The following ARHGDIB variants were observed in gnomAD, a reference collection of about 807,000 sequenced individuals.
ARHGDIB encodes Rho GDP dissociation inhibitor beta, also known as rho GDP-dissociation inhibitor 2.
In ARHGDIB, 20 loss-of-function variants were observed where a neutral mutation model predicts 22.6. That is an observed-to-expected ratio of 0.88 (90% CI 0.62 to 1.28). The LOEUF is 1.28. Among genes scored for constraint, ARHGDIB ranks in the 50% most tolerant of loss-of-function variants. The probability of loss-of-function intolerance (pLI) is 0.00; values close to 1 mark genes in which losing one functional copy is unlikely to be tolerated. For missense variants in ARHGDIB, 254 were observed against 245.4 expected (o/e 1.04, Z -0.23); for synonymous variants, 114 against 96.1 (o/e 1.19, Z -1.09).
intron 2 of ARHGDIB, 94 bp downstream of exon 2, chr12:14,950,438 G>T: frequency 1.8e-6 from 2 of 1,094,848 alleles, no homozygotes; most frequent in Non-Finnish European, 2.6e-6. Context: ...GGAAGCAGTT[G>T]GTCCTCTTCC....
At chr12:14,947,801 A>G (rs1015005024) in intron 4 of ARHGDIB, 72 bp downstream of exon 4, 3 of 1,282,720 alleles carry the variant, frequency 2.3e-6, no homozygotes, top group Non-Finnish European at 2.3e-6. Flanking sequence ...CAACATGATC[A>G]TGCAAGAAAT....
intron 5 of ARHGDIB, among the ~76,000 whole-genome samples, chr12:14,943,499 C>T (rs767360378): frequency 5.9e-5 from 9 of 151,698 alleles, no homozygotes; most frequent in Non-Finnish European, 8.8e-5. Flanking sequence ...TGGCCTAAGT[C>T]ATATAACATT....
intron 5 of ARHGDIB, among the ~76,000 whole-genome samples, chr12:14,943,404 G>GC (rs1863927218): frequency 7.1e-6 from 1 of 140,934 alleles, no homozygotes; most frequent in Non-Finnish European, 1.5e-5. Context: ...TGTTGTTGTT[G>GC]TTTTTTTTAT....
In ARHGDIB at chr12:14,942,234, T is replaced by C. The variant is rs561406035; in HGVS notation, c.*288A>G. On this transcript the variant is annotated 3_prime_UTR_variant, in exon 6 of 6. Transcript: ENST00000228945. Reference sequence around the variant, plus strand: ...GCCCATTTTCTGGCCTCTAGTTGCTTGAATAGGGGTAAGACAGGGAAATAT... The same window carrying C: ...GCCCATTTTCTGGCCTCTAGTTGCTCGAATAGGGGTAAGACAGGGAAATAT... 1.1e-5 allele frequency: 4 copies of C among 365,726 alleles called. No homozygotes were observed. Among genetic ancestry groups the C allele is most frequent in the Admixed American group, 4.0e-5 (1 of 25,080 alleles). The allele number at this position is 365,726 out of a possible 1,614,324, so 22.7% of individuals were successfully genotyped here.
At chr12:14,947,170 T>C (rs1466396720) in intron 4 of ARHGDIB, among the ~76,000 whole-genome samples, 1 of 152,252 alleles carries the variant, frequency 6.6e-6, no homozygotes, top group Non-Finnish European at 1.5e-5. Flanking sequence ...AACCACGAAG[T>C]GCAAACACTG....
Position 14,943,088 on chromosome 12 carries a change from G to A in ARHGDIB, c.407-367C>T, listed in dbSNP as rs527375876. On this transcript the variant is annotated intron_variant, in intron 5 of 5. Coordinates refer to ENST00000228945, the MANE Select transcript of ARHGDIB (RefSeq NM_001175.7). Reference sequence around the variant, plus strand: ...TCTCCATGTTGGTCAGGCTGGTCTCGAACTACCAACCTCAGGTGATCCACC... The same window carrying A: ...TCTCCATGTTGGTCAGGCTGGTCTCAAACTACCAACCTCAGGTGATCCACC... 4.6e-5 allele frequency among the ~76,000 whole-genome samples: 7 copies of A among 152,140 alleles called. No homozygotes were observed. The South Asian group carries it at 8.3e-4, about 18-fold the overall frequency.
intron 4 of ARHGDIB, among the ~76,000 whole-genome samples, chr12:14,947,306 C>T (rs1347756236): frequency 6.6e-6 from 1 of 152,096 alleles, no homozygotes. Context: ...TTCCTCTTTC[C>T]TGGTTACCTG....
intron 1 of ARHGDIB, among the ~76,000 whole-genome samples, chr12:14,958,819 G>A (rs1353130149): frequency 6.6e-6 from 1 of 152,146 alleles, no homozygotes; most frequent in Non-Finnish European, 1.5e-5. Context: ...GGACACCAGA[G>A]AGTAACACAA....
chr12:14,956,309 C>T (rs1864299855), intron 1 of ARHGDIB: 1 of 152,170 alleles, frequency 6.6e-6, no homozygotes, highest in Admixed American at 6.5e-5. Flanking sequence ...AGTTGCTTAA[C>T]CTCACTGGGC....
Position 14,953,002 on chromosome 12 carries a change from T to C in ARHGDIB, c.-12-2278A>G, listed in dbSNP as rs150996862. Among the ~76,000 whole-genome samples, 4 of 152,274 alleles carry C rather than the reference T, an allele frequency of 2.6e-5. No homozygotes were observed. In the East Asian group the frequency reaches 7.7e-4, roughly 29 times the overall value. ...AAGAGAAAGAGAGCGAGAGAGGGAT[T>C]AGGTATAGGACAAGATTTGCCACCT... is the stretch of plus-strand genomic sequence containing the variant. On this transcript the variant is annotated intron_variant, in intron 1 of 5. Coordinates refer to ENST00000228945, the MANE Select transcript of ARHGDIB (RefSeq NM_001175.7).
chr12:14,955,887 A>G (rs180693976), intron 1 of ARHGDIB, among the ~76,000 whole-genome samples: 11 of 152,328 alleles, frequency 7.2e-5, no homozygotes, highest in Non-Finnish European at 1.5e-4. Flanking sequence ...GATAATATTG[A>G]TATTATTAAT....
intron 4 of ARHGDIB, among the ~76,000 whole-genome samples, chr12:14,946,003 G>A (rs1426938849): frequency 6.6e-6 from 1 of 152,160 alleles, no homozygotes; most frequent in Non-Finnish European, 1.5e-5. Flanking sequence ...AAAGACCTAA[G>A]AAGAAGAATT....
chr12:14,958,292 C>T (rs1864342112), intron 1 of ARHGDIB, among the ~76,000 whole-genome samples: 1 of 152,150 alleles, frequency 6.6e-6, no homozygotes, highest in Non-Finnish European at 1.5e-5. Context: ...CTGCTTTCTA[C>T]CACCTCAGCC....
chr12:14,950,745 C>T, intron 1 of ARHGDIB, 21 bp from the exon 2 acceptor site: 1 of 1,562,978 alleles, frequency 6.4e-7, no homozygotes, highest in East Asian at 2.3e-5. Context: ...GAATGACAGC[C>T]CGTTAGTCAA....
intron 1 of ARHGDIB, among the ~76,000 whole-genome samples, chr12:14,952,990 C>A (rs563814720): frequency 0.016 from 2,358 of 152,106 alleles, 51 homozygotes; most frequent in African/African-American, 0.052. Context: ...AGAAAGAGAG[C>A]GAGAGAGGGA....
At chr12:14,955,330 A>G (rs1221369697) in intron 1 of ARHGDIB, among the ~76,000 whole-genome samples, 1 of 152,228 alleles carries the variant, frequency 6.6e-6, no homozygotes, top group Non-Finnish European at 1.5e-5. Context: ...ATATCACCCT[A>G]TAGACAGTGA....
At chr12:14,958,316 C>T (rs769464923) in intron 1 of ARHGDIB, among the ~76,000 whole-genome samples, 3 of 152,110 alleles carry the variant, frequency 2.0e-5, no homozygotes, top group East Asian at 1.9e-4. Flanking sequence ...TGAAGGACTA[C>T]GAAAACTTCA....
chr12:14,950,526 A>C lies in ARHGDIB; in HGVS notation c.181+6T>G. On this transcript the variant is annotated splice_donor_region_variant and intron_variant, in intron 2 of 5. Transcript: ENST00000228945. ...TCCACCCACCCTGTTCTCTGTACAC[A>C]CATACCTGTCACCACAGGACCATCT... The C allele has an allele frequency of 1.9e-6, 3 of 1,610,720 alleles. No individual in the cohort carries two copies. Among genetic ancestry groups the C allele is most frequent in the Non-Finnish European group, 2.5e-6 (3 of 1,178,200 alleles).
chr12:14,960,263 A>T (rs562231814), intron 1 of ARHGDIB, among the ~76,000 whole-genome samples: 2 of 152,360 alleles, frequency 1.3e-5, no homozygotes. Flanking sequence ...ATTACAGATT[A>T]TGTTTATGAA....
Sources: gnomAD v4.1 joint callset for allele counts (sites outside exome capture counted in the v4.1 genomes callset) on GRCh38, gnomAD v4.1.1 for gene constraint, MANE v1.5 for transcripts, NCBI Gene and HGNC (gene_info 2026-07-23, HGNC 2026-07-21) for gene names.